CLASP2: variants seen among roughly 807,000 people sequenced by gnomAD.
The protein encoded by CLASP2 is cytoplasmic linker associated protein 2.
A neutral mutation model predicts 194.4 loss-of-function variants in CLASP2; 47 were observed. The observed-to-expected ratio is 0.24, with a 90% confidence interval of 0.19 to 0.31. The LOEUF is 0.31. Among genes scored for constraint, CLASP2 ranks in the 10% least tolerant of loss-of-function variants. The pLI, the probability that CLASP2 is intolerant of heterozygous loss-of-function variation, is 1.00. For missense variants in CLASP2, 1,445 were observed against 1,823.6 expected (o/e 0.79, Z 3.78); for synonymous variants, 619 against 633.5 (o/e 0.98, Z 0.34).
intron 32 of CLASP2, among the ~76,000 whole-genome samples, chr3:33,539,918 ATT>A (rs59070086): frequency 0.03 from 4,087 of 135,186 alleles, 149 homozygotes; most frequent in African/African-American, 0.096. Flanking sequence ...ACTGAATATA[ATT>A]TTTTTTTTTT....
chr3:33,530,038 G>C (rs1183115403), intron 34 of CLASP2, among the ~76,000 whole-genome samples: 1 of 149,416 alleles, frequency 6.7e-6, no homozygotes, highest in Non-Finnish European at 1.5e-5. Flanking sequence ...AACATGCATG[G>C]GGCTGTTATT....
intron 8 of CLASP2, among the ~76,000 whole-genome samples, chr3:33,637,517 G>A (rs1186166478): frequency 6.6e-6 from 1 of 152,114 alleles, no homozygotes; most frequent in Non-Finnish European, 1.5e-5. Context: ...CTTAGCAAGA[G>A]AGCAAGACTC....
chr3:33,548,930 C>G (rs1404632596), intron 30 of CLASP2, among the ~76,000 whole-genome samples: 5 of 151,642 alleles, frequency 3.3e-5, no homozygotes, highest in Admixed American at 6.6e-5. Flanking sequence ...ACCATACCCA[C>G]CTAATTTTGA....
chr3:33,637,424 C>T (rs993569095), intron 8 of CLASP2, among the ~76,000 whole-genome samples: 1 of 152,114 alleles, frequency 6.6e-6, no homozygotes, highest in Admixed American at 6.5e-5. Context: ...GTCCCAGCTA[C>T]TTGAAAGGCC....
chr3:33,599,679 T>C lies in CLASP2; in HGVS notation c.1925-2945A>G, dbSNP rs1034342051. 7.9e-5 allele frequency among the ~76,000 whole-genome samples: 12 copies of C among 152,196 alleles called. No individual in the cohort carries two copies. In the East Asian group the frequency reaches 1.9e-3, roughly 24 times the overall value. ...ACACTCCCTCTAATTCATACATGTA[T>C]AGCCATAAGTGAGGCTCAAAGTAGA... On this transcript the variant is annotated intron_variant, in intron 18 of 38. Coordinates refer to ENST00000682230, the MANE Select transcript of CLASP2 (RefSeq NM_001365631.1).
intron 2 of CLASP2, among the ~76,000 whole-genome samples, chr3:33,695,546 T>A (rs2091801316): frequency 6.6e-6 from 1 of 152,102 alleles, no homozygotes; most frequent in East Asian, 1.9e-4. Flanking sequence ...GACAGAATGG[T>A]AGGTAGCATA....
chr3:33,617,687 T>C (rs1328157112), intron 12 of CLASP2, among the ~76,000 whole-genome samples: 4 of 151,732 alleles, frequency 2.6e-5, no homozygotes, highest in South Asian at 2.1e-4. Context: ...ATCCTTGATA[T>C]ATAAAAAGAT....
intron 12 of CLASP2, among the ~76,000 whole-genome samples, chr3:33,618,593 G>C (rs1048824829): frequency 6.6e-6 from 1 of 152,102 alleles, no homozygotes; most frequent in African/African-American, 2.4e-5. Context: ...GTTGCAGTGA[G>C]CTGAGATCGT....
chr3:33,631,369 C>T (rs2079047928), intron 9 of CLASP2, among the ~76,000 whole-genome samples: 1 of 152,062 alleles, frequency 6.6e-6, no homozygotes, highest in African/African-American at 2.4e-5. Context: ...AAAGAAACTC[C>T]TACCTACAAA....
At chr3:33,533,862 G>A (rs1408997294) in intron 34 of CLASP2, among the ~76,000 whole-genome samples, 5 of 152,048 alleles carry the variant, frequency 3.3e-5, no homozygotes, top group South Asian at 2.1e-4. Flanking sequence ...GATGACAGGC[G>A]CGTGCCACCA....
intron 37 of CLASP2, among the ~76,000 whole-genome samples, chr3:33,508,429 C>CA (rs1452926830): frequency 6.6e-6 from 1 of 152,168 alleles, no homozygotes; most frequent in Non-Finnish European, 1.5e-5. Context: ...CTCCCGGGTT[C>CA]ACGCCATTCT....
At position 33,498,473 on chromosome 3, in the gene CLASP2, CCT is replaced by C; in HGVS notation, c.*156_*157del. 1 of 518,746 alleles carries C rather than the reference CCT, an allele frequency of 1.9e-6. No homozygotes were observed. The allele number at this position is 518,746 out of a possible 1,614,324, so 32.1% of individuals were successfully genotyped here. On this transcript the variant is annotated 3_prime_UTR_variant, in exon 39 of 39. Coordinates refer to ENST00000682230, the MANE Select transcript of CLASP2 (RefSeq NM_001365631.1). ...AAGTTACATGCAGACTGAGGATAGTCCTCTGTTACAGAAAATACAAAACGAAA... is the reference window on the plus strand; with the variant it reads ...AAGTTACATGCAGACTGAGGATAGTCCTGTTACAGAAAATACAAAACGAAA...
Position 33,552,818 on chromosome 3 carries a change from T to C in CLASP2, c.3010-1423A>G, listed in dbSNP as rs145626056. Among the ~76,000 whole-genome samples the C allele has an allele frequency of 1.2e-4, 18 of 152,294 alleles. No individual in the cohort carries two copies. In the East Asian group the frequency reaches 3.3e-3, roughly 28 times the overall value. ...TAGATCTCTAGACTTATTCATCCTA[T>C]AGATCTGCAACTTTGAATACTTTGA... On this transcript the variant is annotated intron_variant, in intron 29 of 38. Coordinates refer to ENST00000682230, the MANE Select transcript of CLASP2 (RefSeq NM_001365631.1).
chr3:33,508,931 T>C (rs974765598), intron 37 of CLASP2, among the ~76,000 whole-genome samples: 3 of 152,194 alleles, frequency 2.0e-5, no homozygotes, highest in Non-Finnish European at 2.9e-5. Flanking sequence ...AGTCAATAAT[T>C]CTCAGGCTCA....
At chr3:33,711,386 C>G (rs943656817) in intron 1 of CLASP2, among the ~76,000 whole-genome samples, 1 of 151,366 alleles carries the variant, frequency 6.6e-6, no homozygotes, top group Non-Finnish European at 1.5e-5. Flanking sequence ...GCTAGGATTA[C>G]AGGCATGCAC....
chr3:33,637,476 G>A (rs1314337833), intron 8 of CLASP2, among the ~76,000 whole-genome samples: 2 of 152,206 alleles, frequency 1.3e-5, no homozygotes, highest in Non-Finnish European at 2.9e-5. Context: ...GCAGGTTGCA[G>A]TGAGCCGAGA....
chr3:33,713,292 G>C (rs2093125580), intron 1 of CLASP2, among the ~76,000 whole-genome samples: 1 of 152,118 alleles, frequency 6.6e-6, no homozygotes, highest in Non-Finnish European at 1.5e-5. Flanking sequence ...AAAGGGAGAA[G>C]GGGTAATTAA....
intron 29 of CLASP2, among the ~76,000 whole-genome samples, chr3:33,554,066 A>G (rs2060491776): frequency 6.6e-6 from 1 of 152,028 alleles, no homozygotes. Flanking sequence ...CATCTATACT[A>G]AAAATACAAA....
At chr3:33,678,829 G>T (rs1481811776) in intron 6 of CLASP2, among the ~76,000 whole-genome samples, 1 of 152,194 alleles carries the variant, frequency 6.6e-6, no homozygotes, top group East Asian at 1.9e-4. Flanking sequence ...GTATTTTCAA[G>T]ATGTCAGTTC....
Sources: gnomAD v4.1 joint callset for allele counts (sites outside exome capture counted in the v4.1 genomes callset) on GRCh38, gnomAD v4.1.1 for gene constraint, MANE v1.5 for transcripts, NCBI Gene and HGNC (gene_info 2026-07-23, HGNC 2026-07-21) for gene names.